Variants in SCAI observed in about 807,000 individuals in gnomAD.
The protein encoded by SCAI is protein SCAI.
Under a neutral mutation model 92.2 loss-of-function variants are expected in SCAI, and 24 were observed. The observed-to-expected ratio is 0.26, with a 90% confidence interval of 0.19 to 0.37. SCAI has a LOEUF of 0.37. SCAI is among the 10% of genes least tolerant of loss of function. SCAI has a pLI of 1.00. For missense variants in SCAI, 450 were observed against 736.2 expected, an observed-to-expected ratio of 0.61 and a Z score of 4.50; for synonymous variants, 261 against 258.6, an observed-to-expected ratio of 1.01 and a Z score of -0.09.
intron 9 of SCAI, among the ~76,000 whole-genome samples, chr9:125,011,726 A>C (rs1284701560): frequency 6.6e-6 from 1 of 152,200 alleles, no homozygotes; most frequent in Non-Finnish European, 1.5e-5. Flanking sequence ...AGGACACATA[A>C]TTGTCAGATT....
chr9:125,081,570 A>T (rs1413435509), intron 2 of SCAI, among the ~76,000 whole-genome samples: 1 of 152,100 alleles, frequency 6.6e-6, no homozygotes, highest in African/African-American at 2.4e-5. Flanking sequence ...AAAGGCACTC[A>T]GTTTTGTTTT....
chr9:125,034,892 T>C (rs1833160475), intron 3 of SCAI, among the ~76,000 whole-genome samples: 1 of 152,370 alleles, frequency 6.6e-6, no homozygotes, highest in Non-Finnish European at 1.5e-5. Flanking sequence ...CTATGTATAA[T>C]ATTTACATAG....
chr9:125,081,654 C>G (rs940939870), intron 2 of SCAI, among the ~76,000 whole-genome samples: 2 of 152,134 alleles, frequency 1.3e-5, no homozygotes, highest in Admixed American at 1.3e-4. Context: ...CTCACTGCAA[C>G]CTCTGCCTCC....
intron 9 of SCAI, among the ~76,000 whole-genome samples, chr9:125,007,812 A>G (rs970252587): frequency 1.3e-5 from 2 of 151,922 alleles, no homozygotes; most frequent in African/African-American, 4.8e-5. Context: ...CACATGACCA[A>G]CATCCAGCTA....
In SCAI at chr9:125,112,772, A is replaced by G. The variant is rs143962079; in HGVS notation, c.98+29861T>C. Among the ~76,000 whole-genome samples the G allele has an allele frequency of 5.0e-3, 761 of 152,360 alleles. 10 individuals are homozygous for G. Among genetic ancestry groups the G allele is most frequent in the South Asian group, 0.031 (151 of 4,830 alleles). ...TCTGATTCTATGACTGAGGAAATAT[A>G]CAAGATGAACCTGGAGCATCTTGTA... is the stretch of plus-strand genomic sequence containing the variant. On this transcript the variant is annotated intron_variant, in intron 2 of 17. Transcript: ENST00000336505.
chr9:125,142,366 C>G, intron 2 of SCAI: 1 of 272,890 alleles, frequency 3.7e-6, no homozygotes. Flanking sequence ...AAAAAAATAG[C>G]TGAGATCCTT....
intron 6 of SCAI, among the ~76,000 whole-genome samples, chr9:125,021,857 C>T (rs187596251): frequency 9.2e-5 from 14 of 152,196 alleles, no homozygotes; most frequent in East Asian, 3.9e-4. Context: ...CCTCTTGCCT[C>T]AGCCTTCTGA....
rs553370208 is a variant in SCAI at position 125,074,974 on chromosome 9, C to A, written c.99-18967G>T. Among the ~76,000 whole-genome samples the A allele has an allele frequency of 3.3e-5, 5 of 151,850 alleles. No individual in the cohort carries two copies. The South Asian group carries it at 1.0e-3, about 32-fold the overall frequency. Reference sequence around the variant, plus strand: ...TCACACCACTACACTTCAGTCTGGGCAACAAGAGTGAAACTCCATCTCAAA... The same window carrying A: ...TCACACCACTACACTTCAGTCTGGGAAACAAGAGTGAAACTCCATCTCAAA... On this transcript the variant is annotated intron_variant, in intron 2 of 17. Transcript: ENST00000336505.
chr9:124,987,800 A>G (rs565811834), intron 14 of SCAI, among the ~76,000 whole-genome samples: 7 of 149,616 alleles, frequency 4.7e-5, no homozygotes, highest in African/African-American at 1.7e-4. Flanking sequence ...TGTCTCTACT[A>G]AAAAATACAA....
chr9:125,079,471 T>C (rs966424830), intron 2 of SCAI, among the ~76,000 whole-genome samples: 3 of 152,224 alleles, frequency 2.0e-5, no homozygotes, highest in African/African-American at 4.8e-5. Context: ...GTTGTACTTC[T>C]TTTAAATCCT....
intron 9 of SCAI, among the ~76,000 whole-genome samples, chr9:125,016,211 AAT>A (rs1832756268): frequency 6.8e-6 from 1 of 148,142 alleles, no homozygotes. Flanking sequence ...AAAATAAAAT[AAT>A]AAATACAAAA....
rs752588228 is a variant in SCAI at position 124,972,382 on chromosome 9, G to A, written c.1400-538C>T. Among the ~76,000 whole-genome samples the A allele has an allele frequency of 9.5e-4, 144 of 152,248 alleles. 3 individuals carry two copies. Among genetic ancestry groups the A allele is most frequent in the Middle Eastern group, 6.8e-3 (2 of 294 alleles). The stretch of plus-strand genomic sequence containing the variant: ...AATTCCTTAGGTCTGGCACTGCTCT[G>A]TCTTGCGGTAGATACTGGACACTAA... On this transcript the variant is annotated intron_variant, in intron 15 of 17. Transcript: ENST00000336505.
rs1831222336 is a variant in SCAI, at chr9:124,950,690, T to C, written c.*2117A>G. On this transcript the variant is annotated 3_prime_UTR_variant, in exon 18 of 18. Coordinates refer to ENST00000336505, the MANE Select transcript of SCAI (RefSeq NM_001144877.3). Reference sequence around the variant, plus strand: ...TGAAAACCCACTAGCAAAGGAAATCTTTCCAGGGTAACTTTTCCCAAGCTT... The same window carrying C: ...TGAAAACCCACTAGCAAAGGAAATCCTTCCAGGGTAACTTTTCCCAAGCTT... The C allele has an allele frequency of 6.6e-6, 1 of 152,098 alleles. No homozygotes were observed. Among genetic ancestry groups the C allele is most frequent in the Non-Finnish European group, 1.5e-5 (1 of 68,006 alleles). 9.4% of individuals were successfully genotyped at this position (152,098 alleles called of 1,614,324 possible).
At chr9:124,975,717 G>C (rs533906319) in intron 15 of SCAI, among the ~76,000 whole-genome samples, 1 of 152,270 alleles carries the variant, frequency 6.6e-6, no homozygotes, top group East Asian at 1.9e-4. Flanking sequence ...AAGTTTCCTA[G>C]ACCAGCAATC....
At chr9:124,972,787 C>T (rs1459060377) in intron 15 of SCAI, among the ~76,000 whole-genome samples, 1 of 152,150 alleles carries the variant, frequency 6.6e-6, no homozygotes, top group Non-Finnish European at 1.5e-5. Flanking sequence ...ACACCTAGTC[C>T]ATCACAAAGT....
chr9:125,071,844 T>C (rs961757707), intron 2 of SCAI, among the ~76,000 whole-genome samples: 2 of 152,220 alleles, frequency 1.3e-5, no homozygotes, highest in African/African-American at 4.8e-5. Context: ...TTTTCTCTAG[T>C]GCACACTGGT....
At chr9:124,970,204 CAGA>C (rs1831630278) in intron 17 of SCAI, among the ~76,000 whole-genome samples, 1 of 152,108 alleles carries the variant, frequency 6.6e-6, no homozygotes, top group South Asian at 2.1e-4. Flanking sequence ...TGTCCATTAT[CAGA>C]AGAATAAGTG....
intron 2 of SCAI, among the ~76,000 whole-genome samples, chr9:125,074,610 T>C (rs1359335157): frequency 6.6e-6 from 1 of 151,738 alleles, no homozygotes; most frequent in Admixed American, 6.6e-5. Context: ...ACAGATAGAA[T>C]CTCCTAAGGA....
intron 2 of SCAI, among the ~76,000 whole-genome samples, chr9:125,096,142 C>T (rs62580564): frequency 0.038 from 5,757 of 152,252 alleles, 147 homozygotes; most frequent in Middle Eastern, 0.061. Flanking sequence ...GTAACTTATA[C>T]AGGAAAAAGG....
Sources: allele counts gnomAD v4.1 joint callset (sites outside exome capture counted in the v4.1 genomes callset), GRCh38; gene constraint gnomAD v4.1.1; transcripts MANE v1.5; gene names NCBI Gene and HGNC (gene_info 2026-07-23, HGNC 2026-07-21).